Variants in ZBBX observed in about 807,000 individuals in gnomAD.
ZBBX encodes zinc finger B-box domain containing.
ZBBX carries 101 observed loss-of-function variants against 108.5 expected under a neutral mutation model. The observed-to-expected ratio is 0.93, with a 90% CI of 0.79 to 1.10. The LOEUF (loss-of-function observed/expected upper bound fraction) is 1.10. Among genes scored for constraint, ZBBX ranks in the 50% least tolerant of loss-of-function variants. ZBBX has a pLI of 0.00. For missense variants in ZBBX, 1,009 were observed against 941.4 expected, an observed-to-expected ratio of 1.07 and a Z score of -0.94; for synonymous variants, 356 against 323.4, an observed-to-expected ratio of 1.10 and a Z score of -1.08.
chr3:167,288,202 T>C (rs1379819738), intron 19 of ZBBX, among the ~76,000 whole-genome samples: 1 of 152,178 alleles, frequency 6.6e-6, no homozygotes, highest in Non-Finnish European at 1.5e-5. Flanking sequence ...CTATAGCTGG[T>C]ATAATGGGAT....
intron 16 of ZBBX, 46 bp from the exon 17 acceptor site, chr3:167,305,996 C>A: frequency 7.3e-7 from 1 of 1,376,854 alleles, no homozygotes; most frequent in East Asian, 2.6e-5. Context: ...TAAATTTAAA[C>A]AAATAATTAA....
At chr3:167,323,469 G>T (rs1417718668) in intron 11 of ZBBX, among the ~76,000 whole-genome samples, 1 of 152,018 alleles carries the variant, frequency 6.6e-6, no homozygotes, top group Non-Finnish European at 1.5e-5. Context: ...GGACCTACAG[G>T]CAAATGAATT....
At chr3:167,268,020 G>GC (rs1725869727) in intron 20 of ZBBX, among the ~76,000 whole-genome samples, 1 of 152,094 alleles carries the variant, frequency 6.6e-6, no homozygotes, top group African/African-American at 2.4e-5. Flanking sequence ...CAGCCTAAGT[G>GC]CCCCTCCCTG....
chr3:167,240,588 A>G lies in ZBBX; in HGVS notation c.*205T>C. On this transcript the variant is annotated 3_prime_UTR_variant, in exon 22 of 22. Coordinates refer to ENST00000675490, the MANE Select transcript of ZBBX (RefSeq NM_001199201.2). ...ATTTTACTAACATAATCTGCAATAT[A>G]GATTAGTGGTTGACATATAATATAT... 1 of 446,500 alleles carries G rather than the reference A, an allele frequency of 2.2e-6. No individual in the cohort carries two copies. The highest frequency in any genetic ancestry group is 3.9e-6 in the Non-Finnish European group (1 of 254,372). The allele number at this position is 446,500 out of a possible 1,614,324, so 27.7% of individuals were successfully genotyped here. A position where few individuals can be genotyped will look rare whatever the true frequency, so the allele number is the denominator to read the frequency against.
chr3:167,215,487 A>G, the ZBBX span, among the ~76,000 whole-genome samples: 3 of 152,148 alleles, frequency 2.0e-5, no homozygotes, highest in Admixed American at 1.3e-4. Flanking sequence ...ATAGTAATAA[A>G]TAGCCTAACA....
At chr3:167,389,453 C>T (rs957042552) in intron 1 of ZBBX, among the ~76,000 whole-genome samples, 4 of 152,062 alleles carry the variant, frequency 2.6e-5, no homozygotes, top group African/African-American at 9.7e-5. Context: ...GTACATGTGT[C>T]TTTATAGTAG....
At chr3:167,361,160 ATTATT>A (rs1362801568) in intron 6 of ZBBX, among the ~76,000 whole-genome samples, 4 of 152,088 alleles carry the variant, frequency 2.6e-5, no homozygotes, top group Non-Finnish European at 4.4e-5. Context: ...AGAAACCCAT[ATTATT>A]TTATTTGCCC....
chr3:167,334,046 A>G, intron 9 of ZBBX, 61 bp from the exon 10 acceptor site: 3 of 1,093,142 alleles, frequency 2.7e-6, no homozygotes, highest in Non-Finnish European at 3.8e-6. Context: ...TAATTTATAT[A>G]CATTAACTCA....
chr3:167,199,871 C>T, the ZBBX span, among the ~76,000 whole-genome samples: 3 of 152,082 alleles, frequency 2.0e-5, no homozygotes, highest in African/African-American at 7.2e-5. Context: ...CTTAAAATAA[C>T]ACGAATTCAT....
chr3:167,221,067 CA>C, the ZBBX span, among the ~76,000 whole-genome samples: 1 of 151,364 alleles, frequency 6.6e-6, no homozygotes, highest in East Asian at 1.9e-4. Flanking sequence ...GAAAAGAACA[CA>C]AAAAAATAGA....
rs566361326 is a variant in ZBBX at position 167,333,708 on chromosome 3, A to C, written c.687+119T>G. 34 of 912,120 alleles carry C rather than the reference A, an allele frequency of 3.7e-5. No individual in the cohort carries two copies. In the South Asian group the frequency reaches 8.9e-4, roughly 24 times the overall value. The allele number at this position is 912,120 out of a possible 1,614,324, so 56.5% of individuals were successfully genotyped here. On this transcript the variant is annotated intron_variant, in intron 10 of 21. Transcript: ENST00000675490. ...TTTGGTTAATGAAGAACAAATCCAT[A>C]TGAAATAAAAATGTGATGAAATTAT...
upstream of ZBBX, among the ~76,000 whole-genome samples, chr3:167,382,551 C>T (rs908594708): frequency 2.6e-5 from 4 of 152,162 alleles, no homozygotes; most frequent in Non-Finnish European, 5.9e-5. Context: ...ATAAAAATTA[C>T]CGGCAATGCA....
rs372268262 is a variant in ZBBX, at chr3:167,305,999, ATAAT to A, written c.1418-53_1418-50del. The A allele has an allele frequency of 2.7e-4, 364 of 1,368,128 alleles. 1 individual carries two copies. In the African/African-American group the frequency reaches 4.7e-3, roughly 18 times the overall value. 84.7% of individuals were successfully genotyped at this position (1,368,128 alleles called of 1,614,324 possible). A position where few individuals can be genotyped will look rare whatever the true frequency, so the allele number is the denominator to read the frequency against. ...AAGGTACATAAATAAATTTAAACAA[ATAAT>A]TAAACTGTTAATAAACCAAAAGTTC... On this transcript the variant is annotated intron_variant, in intron 16 of 21. Coordinates refer to ENST00000675490, the MANE Select transcript of ZBBX (RefSeq NM_001199201.2).
chr3:167,287,174 T>C (rs897804898), intron 19 of ZBBX, among the ~76,000 whole-genome samples: 4 of 152,132 alleles, frequency 2.6e-5, no homozygotes, highest in African/African-American at 9.7e-5. Context: ...TTATCATTAA[T>C]TACCTATTAA....
At chr3:167,201,301 T>C in the ZBBX span, among the ~76,000 whole-genome samples, 2 of 152,136 alleles carry the variant, frequency 1.3e-5, no homozygotes, top group African/African-American at 4.8e-5. Context: ...TATCTGGTAT[T>C]TCTACAACAT....
At chr3:167,190,156 G>A in the ZBBX span, among the ~76,000 whole-genome samples, 10 of 151,860 alleles carry the variant, frequency 6.6e-5, no homozygotes, top group African/African-American at 1.9e-4. Flanking sequence ...ATATGTTTTG[G>A]ACATTATATG....
chr3:167,349,881 T>C (rs1003758750), intron 9 of ZBBX, among the ~76,000 whole-genome samples: 9 of 152,032 alleles, frequency 5.9e-5, no homozygotes, highest in Non-Finnish European at 1.2e-4. Context: ...ATTAGAATCT[T>C]AAAGCCACTT....
At chr3:167,290,627 C>T (rs951875294) in intron 18 of ZBBX, among the ~76,000 whole-genome samples, 4 of 152,074 alleles carry the variant, frequency 2.6e-5, no homozygotes, top group Non-Finnish European at 5.9e-5. Flanking sequence ...CTGAAAATTC[C>T]AAAAACCTGA....
chr3:167,311,775 G>A (rs1380980293), intron 16 of ZBBX, among the ~76,000 whole-genome samples: 1 of 152,036 alleles, frequency 6.6e-6, no homozygotes, highest in East Asian at 1.9e-4. Context: ...CTGAAACACT[G>A]GCACCAGATG....
Sources: allele counts gnomAD v4.1 joint callset (sites outside exome capture counted in the v4.1 genomes callset), GRCh38; gene constraint gnomAD v4.1.1; transcripts MANE v1.5; gene names NCBI Gene and HGNC (gene_info 2026-07-23, HGNC 2026-07-21).